SYNJ2: variants seen among roughly 807,000 people sequenced by gnomAD.
The protein encoded by SYNJ2 is synaptojanin 2.
A neutral mutation model predicts 141.3 loss-of-function variants in SYNJ2; 116 were observed. That is an observed-to-expected ratio of 0.82 (90% CI 0.71 to 0.96). The LOEUF (loss-of-function observed/expected upper bound fraction) is 0.96, where lower values mean the gene tolerates loss of function less well. Ranked by LOEUF, SYNJ2 falls within the 40% of genes least tolerant of loss-of-function variation. The pLI, the probability that SYNJ2 is intolerant of heterozygous loss-of-function variation, is 0.00. For synonymous variants in SYNJ2, 745 were observed against 777.7 expected (o/e 0.96, Z 0.70); for missense variants, 1,873 against 1,934.8 (o/e 0.97, Z 0.60).
intron 1 of SYNJ2, among the ~76,000 whole-genome samples, chr6:158,012,974 T>C (rs1281583815): frequency 6.6e-6 from 1 of 152,318 alleles, no homozygotes; most frequent in East Asian, 1.9e-4. Context: ...CAAGTGAGCA[T>C]TGGGGAAAAT....
intron 26 of SYNJ2, among the ~76,000 whole-genome samples, chr6:158,093,511 C>CCT (rs1177155748): frequency 6.6e-6 from 1 of 152,050 alleles, no homozygotes; most frequent in Non-Finnish European, 1.5e-5. Context: ...TGGACATCCT[C>CCT]ACGTTCATGA....
In SYNJ2 at chr6:158,081,419, T is replaced by C. The variant is rs190612561; in HGVS notation, c.2787-13T>C. On this transcript the variant is annotated splice_polypyrimidine_tract_variant and intron_variant, in intron 19 of 26. Coordinates refer to ENST00000355585, the MANE Select transcript of SYNJ2 (RefSeq NM_003898.4). ...TCGTTCTTGGCATTGACTTGGAGTA[T>C]CATTTATTCCAGGATCAACCAAGGG... 1.9e-3 allele frequency: 3,053 copies of C among 1,613,700 alleles called. 62 individuals are homozygous for C. In the African/African-American group the frequency reaches 0.035, roughly 19 times the overall value.
In SYNJ2 at chr6:158,017,321, C is replaced by T. The variant is rs1778507101; in HGVS notation, c.214+31C>T. On this transcript the variant is annotated intron_variant, in intron 2 of 26. Transcript: ENST00000355585. ...TAGCCGCTCGCTGGAGGAGCAGGCG[C>T]CAGGCTCCCCGGTGGGCAGGAGCCT... 1.9e-6 allele frequency: 3 copies of T among 1,593,734 alleles called. No homozygotes were observed. The Admixed American group carries it at 5.2e-5, about 28-fold the overall frequency.
chr6:158,005,463 T>C (rs921134796), intron 1 of SYNJ2, among the ~76,000 whole-genome samples: 1 of 152,056 alleles, frequency 6.6e-6, no homozygotes, highest in Non-Finnish European at 1.5e-5. Flanking sequence ...ACCTTCCCTC[T>C]TTGCCATGTC....
intron 24 of SYNJ2, 95 bp from the exon 25 acceptor site, chr6:158,089,744 G>A (rs755997518): frequency 7.7e-6 from 6 of 776,004 alleles, no homozygotes; most frequent in Non-Finnish European, 1.1e-5. Flanking sequence ...ATCGTCTGGT[G>A]GAGCCCTGCA....
intron 17 of SYNJ2, among the ~76,000 whole-genome samples, chr6:158,077,127 T>C (rs905175714): frequency 6.6e-6 from 1 of 152,124 alleles, no homozygotes; most frequent in Non-Finnish European, 1.5e-5. Context: ...TCCTGAGTGC[T>C]GGGATTACAG....
rs369220540 is a variant in SYNJ2 at position 158,078,788 on chromosome 6, CT to C, written c.2567+527del. On this transcript the variant is annotated intron_variant, in intron 18 of 26. Coordinates refer to ENST00000355585, the MANE Select transcript of SYNJ2 (RefSeq NM_003898.4). ...GGTTTTTAAATCTGGGATGCACAAC[CT>C]TTTTTTTTTTTTTTTTTTTGAGAGA... is the stretch of plus-strand genomic sequence containing the variant. The C allele has an allele frequency of 2.9e-4, 28 of 96,298 alleles. No individual in the cohort carries two copies. The South Asian group carries it at 4.5e-3, about 16-fold the overall frequency. 6.0% of individuals were successfully genotyped at this position (96,298 alleles called of 1,614,324 possible).
At position 158,096,201 on chromosome 6, in the gene SYNJ2, G is replaced by T; in HGVS notation, c.4328G>T (p.Ser1443Ile). Reference protein sequence around the residue: ...SSDPLDSGTRSPKRDPIDPVS... With the variant: ...SSDPLDSGTRIPKRDPIDPVS... Reference sequence around the variant, plus strand: ...GACCCTTTGGACTCAGGAACCAGGAGCCCCAAAAGAGATCCCATAGACCCA... The same window carrying T: ...GACCCTTTGGACTCAGGAACCAGGATCCCCAAAAGAGATCCCATAGACCCA... The change falls in exon 27 of 27, where the codon AGC becomes ATC. Residue 1443 changes from serine to isoleucine, a missense_variant. Physicochemically the swap from Ser to Ile is moderately radical, Grantham distance 142. Transcript: ENST00000355585. 1 of 1,614,234 alleles carries T rather than the reference G, an allele frequency of 6.2e-7. No individual in the cohort carries two copies. Among genetic ancestry groups the T allele is most frequent in the East Asian group, 2.2e-5 (1 of 44,894 alleles).
intron 4 of SYNJ2, among the ~76,000 whole-genome samples, chr6:158,042,678 C>T (rs1046513490): frequency 5.9e-5 from 9 of 152,296 alleles, no homozygotes; most frequent in Middle Eastern, 6.8e-3. Context: ...TTAAAGTGTA[C>T]GGATCATTTG....
intron 1 of SYNJ2, among the ~76,000 whole-genome samples, chr6:157,991,287 G>C (rs191584778): frequency 6.6e-6 from 1 of 152,196 alleles, no homozygotes; most frequent in Non-Finnish European, 1.5e-5. Flanking sequence ...CAACAAACCC[G>C]GGACAGCAGT....
chr6:158,020,272 ACCTGCGTGACTCCG>A (rs1778694879), intron 2 of SYNJ2, among the ~76,000 whole-genome samples: 1 of 135,606 alleles, frequency 7.4e-6, no homozygotes, highest in Non-Finnish European at 1.5e-5. Flanking sequence ...TGTGACCCCC[ACCTGCGTGACTCCG>A]ACTGTGTGAC....
In SYNJ2 at chr6:157,986,998, GTTTT is replaced by G. The variant is rs369850933; in HGVS notation, c.127+4913_127+4916del. 1.2e-3 allele frequency among the ~76,000 whole-genome samples: 188 copies of G among 150,850 alleles called. 2 individuals are homozygous for G. In the East Asian group the frequency reaches 0.03, roughly 24 times the overall value. ...TATTGTAAATTGACAAATTATTATC[GTTTT>G]TTGAGATGGAGTCTTGCTCTGTCGC... On this transcript the variant is annotated intron_variant, in intron 1 of 26. Transcript: ENST00000355585.
At chr6:158,063,740 C>T in intron 8 of SYNJ2, 51 bp from the exon 9 acceptor site, 1 of 1,513,768 alleles carries the variant, frequency 6.6e-7, no homozygotes, top group Non-Finnish European at 9.1e-7. Flanking sequence ...GCTATGGCCA[C>T]TGCTTCTTTG....
Position 157,982,188 on chromosome 6 carries a change from G to A in SYNJ2, c.127+100G>A. On this transcript the variant is annotated intron_variant, in intron 1 of 26. Transcript: ENST00000355585. The surrounding 1 kb of genome is among the most constrained non-coding windows in gnomAD (Gnocchi z 4.0). ...CCCCCCCTTCCCGAGGGGATCGGGC[G>A]GCGCTGGGACTGCCGGGGCGTAGGG... 1 of 1,239,470 alleles carries A rather than the reference G, an allele frequency of 8.1e-7. No individual in the cohort carries two copies. 76.8% of individuals were successfully genotyped at this position (1,239,470 alleles called of 1,614,324 possible).
chr6:158,077,451 A>T (rs1782376561), intron 17 of SYNJ2, among the ~76,000 whole-genome samples: 1 of 149,710 alleles, frequency 6.7e-6, no homozygotes, highest in African/African-American at 2.5e-5. Context: ...GCTCCCCCTC[A>T]TGTTCTTTAT....
chr6:158,069,496 C>A, intron 13 of SYNJ2, 37 bp from the exon 14 acceptor site: 1 of 1,591,872 alleles, frequency 6.3e-7, no homozygotes, highest in Non-Finnish European at 8.6e-7. Flanking sequence ...GTACTTCCAG[C>A]TACCTGTAAA....
At chr6:158,095,114 A>C (rs941864231) in intron 26 of SYNJ2, among the ~76,000 whole-genome samples, 4 of 151,318 alleles carry the variant, frequency 2.6e-5, no homozygotes, top group Admixed American at 6.6e-5. Flanking sequence ...GCGCCATTGC[A>C]CTCCAGCCTG....
chr6:158,036,388 G>A (rs1263018590), intron 4 of SYNJ2, among the ~76,000 whole-genome samples: 1 of 152,162 alleles, frequency 6.6e-6, no homozygotes, highest in African/African-American at 2.4e-5. Flanking sequence ...GTGGTAGACT[G>A]GATAAAGAAA....
At chr6:158,095,117 C>G (rs1187334348) in intron 26 of SYNJ2, among the ~76,000 whole-genome samples, 2 of 151,716 alleles carry the variant, frequency 1.3e-5, no homozygotes, top group Non-Finnish European at 2.9e-5. Context: ...CCATTGCACT[C>G]CAGCCTGGGG....
Sources: gnomAD v4.1 joint callset for allele counts (sites outside exome capture counted in the v4.1 genomes callset) on GRCh38, gnomAD v4.1.1 for gene constraint, Gnocchi (gnomAD v3.1) non-coding constraint, MANE v1.5 for transcripts, NCBI Gene and HGNC (gene_info 2026-07-23, HGNC 2026-07-21) for gene names.